CFAP20DC: variants seen among roughly 807,000 people sequenced by gnomAD.
CFAP20DC encodes CFAP20 domain containing.
Under a neutral mutation model 101.7 loss-of-function variants are expected in CFAP20DC, and 84 were observed. The ratio of observed to expected loss-of-function variants is 0.83; its 90% confidence interval spans 0.69 to 0.99. The LOEUF is 0.99. CFAP20DC is among the 50% of genes least tolerant of loss of function. The probability of loss-of-function intolerance (pLI) is 0.00; values close to 1 mark genes in which losing one functional copy is unlikely to be tolerated. For synonymous variants in CFAP20DC, 359 were observed against 351.2 expected, an observed-to-expected ratio of 1.02 and a Z score of -0.25; for missense variants, 1,007 against 970.3, an observed-to-expected ratio of 1.04 and a Z score of -0.50.
At chr3:58,968,578 GT>G (rs574605634) in intron 4 of CFAP20DC, among the ~76,000 whole-genome samples, 14 of 151,984 alleles carry the variant, frequency 9.2e-5, no homozygotes, top group Non-Finnish European at 1.5e-4. Context: ...TTGTAAATTT[GT>G]TTAAGTTCCT....
At chr3:58,840,871 A>T (rs2077054036) in intron 13 of CFAP20DC, among the ~76,000 whole-genome samples, 1 of 152,206 alleles carries the variant, frequency 6.6e-6, no homozygotes, top group Non-Finnish European at 1.5e-5. Flanking sequence ...AGGCTCCAAG[A>T]CATTAAGAAA....
chr3:58,891,356 T>C (rs2106815226), intron 6 of CFAP20DC, among the ~76,000 whole-genome samples: 1 of 150,480 alleles, frequency 6.6e-6, no homozygotes, highest in Non-Finnish European at 1.5e-5. Context: ...TGAGCCGAGA[T>C]GGCAGCAGTA....
intron 7 of CFAP20DC, among the ~76,000 whole-genome samples, chr3:58,879,909 A>G (rs926433257): frequency 1.2e-4 from 18 of 152,254 alleles, no homozygotes; most frequent in East Asian, 1.9e-4. Context: ...GTTGTTTAAT[A>G]TTTAACTATA....
chr3:58,840,785 G>A (rs186694027), intron 13 of CFAP20DC, among the ~76,000 whole-genome samples: 1 of 152,312 alleles, frequency 6.6e-6, no homozygotes, highest in East Asian at 1.9e-4. Flanking sequence ...TGTTCTACAT[G>A]CGCTATCTAA....
chr3:58,808,139 T>C (rs573767336), intron 14 of CFAP20DC, among the ~76,000 whole-genome samples: 9 of 152,334 alleles, frequency 5.9e-5, no homozygotes, highest in East Asian at 5.8e-4. Context: ...GAAAACACTC[T>C]GCAAGATATT....
intron 15 of CFAP20DC, among the ~76,000 whole-genome samples, chr3:58,804,761 G>T (rs1306099341): frequency 6.6e-6 from 1 of 152,178 alleles, no homozygotes; most frequent in Non-Finnish European, 1.5e-5. Flanking sequence ...GGCAAATCTA[G>T]ATGAGCTGCA....
At chr3:58,889,126 C>G (rs3860566) in intron 6 of CFAP20DC, among the ~76,000 whole-genome samples, 1 of 151,878 alleles carries the variant, frequency 6.6e-6, no homozygotes, top group Non-Finnish European at 1.5e-5. Context: ...TTCATTCTAG[C>G]TCTTCAAAAT....
intron 13 of CFAP20DC, among the ~76,000 whole-genome samples, chr3:58,842,292 A>G (rs2077188233): frequency 6.6e-6 from 1 of 152,186 alleles, no homozygotes; most frequent in South Asian, 2.1e-4. Context: ...CAGTGGGCGC[A>G]GGCCAGTGGG....
At chr3:58,929,073 C>G (rs1409152444) in intron 5 of CFAP20DC, among the ~76,000 whole-genome samples, 1 of 152,130 alleles carries the variant, frequency 6.6e-6, no homozygotes, top group Non-Finnish European at 1.5e-5. Flanking sequence ...TCATTACACA[C>G]CCAGCACTGT....
intron 3 of CFAP20DC, among the ~76,000 whole-genome samples, chr3:58,718,983 TTGTAA>T (rs1191571893): frequency 6.6e-6 from 1 of 152,116 alleles, no homozygotes; most frequent in Non-Finnish European, 1.5e-5. Context: ...TGGCTCATGC[TTGTAA>T]TGCCAGCACT....
intron 14 of CFAP20DC, among the ~76,000 whole-genome samples, chr3:58,822,217 G>A (rs531277878): frequency 6.6e-6 from 1 of 150,748 alleles, no homozygotes; most frequent in East Asian, 2.0e-4. Flanking sequence ...AGTGGGTGCA[G>A]CACATCAGCA....
Position 58,903,468 on chromosome 3 carries a change from A to C in CFAP20DC, c.550+10240T>G, listed in dbSNP as rs561710744. 3.9e-5 allele frequency among the ~76,000 whole-genome samples: 6 copies of C among 152,270 alleles called. No individual in the cohort carries two copies. In the South Asian group the frequency reaches 1.0e-3, roughly 26 times the overall value. ...ATGGTTTGTGTATTAGTTCCTTCTC[A>C]GGCTGCTATGAAGAAATATCCAAGA... On this transcript the variant is annotated intron_variant, in intron 6 of 16. Coordinates refer to ENST00000482387, the MANE Select transcript of CFAP20DC (RefSeq NM_001394063.1).
chr3:58,927,549 T>C lies in CFAP20DC; in HGVS notation c.393+10099A>G, dbSNP rs575580854. ...AAGTGCTTGTGTGAGATAAGGCAGG[T>C]TCAATGTTGAGAAATCTGACCTTTT... On this transcript the variant is annotated intron_variant, in intron 5 of 16. Transcript: ENST00000482387. 3.3e-5 allele frequency among the ~76,000 whole-genome samples: 5 copies of C among 152,334 alleles called. No homozygotes were observed. In the South Asian group the frequency reaches 8.3e-4, roughly 25 times the overall value.
At chr3:58,748,740 T>TA in intron 16 of CFAP20DC, among the ~76,000 whole-genome samples, 1 of 152,034 alleles carries the variant, frequency 6.6e-6, no homozygotes, top group South Asian at 2.1e-4. Context: ...CTTCCTAAAT[T>TA]AAAAAAATTG....
At position 59,022,194 on chromosome 3, in the gene CFAP20DC, G is replaced by A. The variant is rs946742089; in HGVS notation, c.278+17363C>T. Among the ~76,000 whole-genome samples, 8 of 151,956 alleles carry A rather than the reference G, an allele frequency of 5.3e-5. No homozygotes were observed. The East Asian group carries it at 7.7e-4, about 15-fold the overall frequency. On this transcript the variant is annotated intron_variant, in intron 4 of 16. Transcript: ENST00000482387. ...CATGATTATGAAATCATAATTACAT[G>A]TTCACCTTTTTGCAACTCAAGCACT...
At chr3:58,888,340 T>C (rs1233071417) in intron 6 of CFAP20DC, among the ~76,000 whole-genome samples, 1 of 152,226 alleles carries the variant, frequency 6.6e-6, no homozygotes, top group Non-Finnish European at 1.5e-5. Context: ...GACCCTGTCC[T>C]TGCCTCCTTG....
At chr3:58,904,169 A>C (rs1337452223) in intron 6 of CFAP20DC, among the ~76,000 whole-genome samples, 1 of 152,100 alleles carries the variant, frequency 6.6e-6, no homozygotes, top group Non-Finnish European at 1.5e-5. Flanking sequence ...AACGTTTTGT[A>C]GTTTTCAGTG....
At chr3:59,024,119 T>C (rs911691900) in intron 4 of CFAP20DC, among the ~76,000 whole-genome samples, 2 of 152,000 alleles carry the variant, frequency 1.3e-5, no homozygotes, top group African/African-American at 4.8e-5. Flanking sequence ...CCTTGCCAAT[T>C]TTAGGCCACC....
At chr3:58,939,167 T>G (rs1288517361) in intron 4 of CFAP20DC, among the ~76,000 whole-genome samples, 1 of 152,218 alleles carries the variant, frequency 6.6e-6, no homozygotes, top group East Asian at 1.9e-4. Context: ...TACAGTAGTA[T>G]AGTAACATAT....
Sources: allele counts gnomAD v4.1 joint callset (sites outside exome capture counted in the v4.1 genomes callset), GRCh38; gene constraint gnomAD v4.1.1; transcripts MANE v1.5; gene names NCBI Gene and HGNC (gene_info 2026-07-23, HGNC 2026-07-21).